Variants in C12orf50 observed in about 807,000 individuals in gnomAD.
C12orf50 encodes the protein uncharacterized protein C12orf50.
In C12orf50, 35 loss-of-function variants were observed where a neutral mutation model predicts 61.6. The ratio of observed to expected loss-of-function variants is 0.57; its 90% CI spans 0.43 to 0.75. The LOEUF is 0.75. Ranked by LOEUF, C12orf50 falls within the 30% of genes least tolerant of loss-of-function variation. The pLI is 0.00. For missense variants in C12orf50, 475 were observed against 488.5 expected (o/e 0.97, Z 0.26); for synonymous variants, 178 against 161.5 (o/e 1.10, Z -0.77).
chr12:87,996,418 T>C lies in C12orf50; in HGVS notation c.437A>G (p.Lys146Arg), dbSNP rs1391774893. 6 of 1,613,496 alleles carry C rather than the reference T, an allele frequency of 3.7e-6. No homozygotes were observed. Among genetic ancestry groups the C allele is most frequent in the Non-Finnish European group, 5.1e-6 (6 of 1,179,622 alleles). ...SSKSMTPTAE[K>R]QLEKPLENGS... is the part of the protein sequence containing the mutation. ...ATTTTCCAAAGGCTTTTCTAACTGT[T>C]TTTCTGCTGTAGGTGTCATGCTTTT... Residue 146 changes from lysine (K) to arginine (R), a missense_variant, in exon 6 of 13, where the codon AAA (lysine) becomes AGA (arginine). Physicochemically the swap from Lys to Arg is conservative, Grantham distance 26 (BLOSUM62 2). Transcript: ENST00000298699.
intron 3 of C12orf50, among the ~76,000 whole-genome samples, chr12:88,018,903 G>A (rs550847678): frequency 6.6e-6 from 1 of 152,246 alleles, no homozygotes; most frequent in Non-Finnish European, 1.5e-5. Context: ...TATGTAGGAA[G>A]TAACTAACTT....
At chr12:87,986,454 T>C (rs781494672) in intron 9 of C12orf50, 38 bp from the exon 10 acceptor site, 16 of 1,424,682 alleles carry the variant, frequency 1.1e-5, no homozygotes, top group African/African-American at 1.4e-5. Context: ...TTTTAAGAGA[T>C]GCTTTCATCT....
intron 4 of C12orf50, among the ~76,000 whole-genome samples, chr12:87,997,279 G>C (rs2031437325): frequency 6.6e-6 from 1 of 152,010 alleles, no homozygotes; most frequent in Non-Finnish European, 1.5e-5. Context: ...ATGTGAAACT[G>C]ATATATTATT....
rs191147098 is a variant in C12orf50, at chr12:88,019,565, G to T, written c.133+6923C>A. ...ATAGAGTCTCTTGTTACATTTGGGA[G>T]TCACTGACATGTGGATCATATTCAA... On this transcript the variant is annotated intron_variant, in intron 3 of 12. Coordinates refer to ENST00000298699, the MANE Select transcript of C12orf50 (RefSeq NM_152589.3). Among the ~76,000 whole-genome samples, 3 of 152,074 alleles carry T rather than the reference G, an allele frequency of 2.0e-5. No homozygotes were observed. In the East Asian group the frequency reaches 5.8e-4, roughly 30 times the overall value.
At chr12:88,020,819 AT>A (rs201160672) in intron 3 of C12orf50, among the ~76,000 whole-genome samples, 24 of 151,878 alleles carry the variant, frequency 1.6e-4, no homozygotes, top group African/African-American at 5.3e-4. Context: ...AAAAAAAAAA[AT>A]ACATCATACC....
chr12:87,985,958 C>A lies in C12orf50; in HGVS notation c.1018G>T (p.Asp340Tyr), dbSNP rs1439582496. Residue 340 changes from aspartate (D) to tyrosine (Y), a missense_variant, in exon 11 of 13, where the codon GAT becomes TAT. Transcript: ENST00000298699. ...TTCAACGCGACAGTCCTGACAGCAT[C>A]TCTTTGAACGTGGATATAGGATGCA... ...ENASYIHVQR[D>Y]AVRTVALNAP... The A allele has an allele frequency of 2.5e-6, 4 of 1,613,888 alleles. No homozygotes were observed. In the South Asian group the frequency reaches 4.4e-5, roughly 18 times the overall value.
intron 3 of C12orf50, among the ~76,000 whole-genome samples, chr12:88,005,977 C>T (rs111621754): frequency 1.6e-3 from 219 of 134,520 alleles, no homozygotes; most frequent in African/African-American, 6.2e-3. Context: ...AGTGCAGTGG[C>T]GCAATCTCGG....
At chr12:87,983,634 T>C (rs540756964) in intron 11 of C12orf50, 1 of 151,590 alleles carries the variant, frequency 6.6e-6, no homozygotes, top group South Asian at 2.1e-4. Context: ...AGTGAGAACA[T>C]GCGGTGTTTG....
intron 3 of C12orf50, among the ~76,000 whole-genome samples, chr12:88,018,838 C>G (rs544524207): frequency 1.4e-4 from 22 of 152,272 alleles, no homozygotes; most frequent in African/African-American, 5.3e-4. Context: ...CTTTGTTTTG[C>G]CCAGTTTCTC....
At chr12:87,985,523 G>A (rs2030763498) in intron 11 of C12orf50, 1 of 285,296 alleles carries the variant, frequency 3.5e-6, no homozygotes, top group Non-Finnish European at 6.6e-6. Context: ...TGCAGTTAGT[G>A]GAACAAGAAA....
chr12:88,011,451 A>T (rs2032106699), intron 3 of C12orf50, among the ~76,000 whole-genome samples: 2 of 152,158 alleles, frequency 1.3e-5, no homozygotes, highest in African/African-American at 2.4e-5. Context: ...CTTTGCCAAG[A>T]ATTCTAAACA....
At chr12:87,984,471 T>C (rs2030697961) in intron 11 of C12orf50, 1 of 152,172 alleles carries the variant, frequency 6.6e-6, no homozygotes, top group Non-Finnish European at 1.5e-5. Flanking sequence ...ATTTAAAAAC[T>C]GTGAAACTAT....
chr12:88,014,113 A>C, intron 3 of C12orf50, among the ~76,000 whole-genome samples: 1 of 152,270 alleles, frequency 6.6e-6, no homozygotes, highest in Middle Eastern at 3.4e-3. Flanking sequence ...GTCTTCTATA[A>C]AATATAAAAA....
chr12:88,015,783 A>G (rs1001629018), intron 3 of C12orf50, among the ~76,000 whole-genome samples: 1 of 152,204 alleles, frequency 6.6e-6, no homozygotes, highest in Non-Finnish European at 1.5e-5. Flanking sequence ...CTTAGAAATG[A>G]TAACCAGAGA....
In C12orf50 at chr12:88,029,340, C is replaced by T. The variant is rs925226209; in HGVS notation, c.-109G>A. On this transcript the variant is annotated splice_region_variant and 5_prime_UTR_variant, in exon 1 of 13. Coordinates refer to ENST00000298699, the MANE Select transcript of C12orf50 (RefSeq NM_152589.3). ...TAAAGACATTTAAATTAGAAGATAC[C>T]TTCTCTAGCTTTGCAGAAACGCTGA... 4 of 177,262 alleles carry T rather than the reference C, an allele frequency of 2.3e-5. No individual in the cohort carries two copies. The highest frequency in any genetic ancestry group is 9.6e-5 in the African/African-American group (4 of 41,884). 11.0% of individuals were successfully genotyped at this position (177,262 alleles called of 1,614,324 possible). A position where few individuals can be genotyped will look rare whatever the true frequency, so the allele number is the denominator to read the frequency against.
At chr12:88,019,360 C>A (rs1292583157) in intron 3 of C12orf50, among the ~76,000 whole-genome samples, 1 of 152,140 alleles carries the variant, frequency 6.6e-6, no homozygotes, top group Admixed American at 6.5e-5. Context: ...GAGGCCTCCC[C>A]AGACATGTGG....
intron 3 of C12orf50, 91 bp from the exon 4 acceptor site, chr12:87,998,281 T>C: frequency 1.1e-6 from 1 of 923,914 alleles, no homozygotes; most frequent in Non-Finnish European, 1.5e-6. Flanking sequence ...TAATTAACTA[T>C]ATATTATTTT....
chr12:87,994,566 G>T (rs571164095), intron 7 of C12orf50, 67 bp downstream of exon 7: 4 of 1,147,774 alleles, frequency 3.5e-6, no homozygotes, highest in South Asian at 2.7e-5. Context: ...AGTTGTAAAA[G>T]ATAAAATTCA....
chr12:88,023,025 C>T (rs1358503199), intron 3 of C12orf50, among the ~76,000 whole-genome samples: 1 of 151,864 alleles, frequency 6.6e-6, no homozygotes, highest in East Asian at 1.9e-4. Flanking sequence ...AATGTGGAAC[C>T]CAAAAGGAGC....
Sources: gnomAD v4.1 joint callset for allele counts (sites outside exome capture counted in the v4.1 genomes callset) on GRCh38, gnomAD v4.1.1 for gene constraint, MANE v1.5 for transcripts, NCBI Gene and HGNC (gene_info 2026-07-23, HGNC 2026-07-21) for gene names.